The following COL4A1 variants were observed in gnomAD, a reference collection of about 807,000 sequenced individuals.
The protein encoded by COL4A1 is collagen type IV alpha 1 chain, also known as collagen alpha-1(IV) chain.
In COL4A1, 40 loss-of-function variants were observed where a neutral mutation model predicts 216.6. The observed-to-expected ratio is 0.18, with a 90% CI of 0.14 to 0.24. The LOEUF is 0.24. Ranked by LOEUF, COL4A1 falls within the 10% of genes least tolerant of loss-of-function variation. COL4A1 has a pLI of 1.00. For missense variants in COL4A1, 1,628 were observed against 2,196.8 expected (o/e 0.74, Z 5.18); for synonymous variants, 839 against 810.7 (o/e 1.03, Z -0.59).
At chr13:110,265,258 G>T (rs1057081670) in intron 1 of COL4A1, 1 of 152,256 alleles carries the variant, frequency 6.6e-6, no homozygotes, top group African/African-American at 2.4e-5. Flanking sequence ...ACTGCAATAC[G>T]ATTTTGGTTT....
At chr13:110,208,997 G>T in intron 11 of COL4A1, 107 bp from the exon 12 acceptor site, 3 of 1,117,562 alleles carry the variant, frequency 2.7e-6, no homozygotes, top group Admixed American at 3.4e-5. Flanking sequence ...TCAGGCAATA[G>T]CTTTGTCCCA....
At chr13:110,254,175 C>G (rs1399797636) in intron 1 of COL4A1, among the ~76,000 whole-genome samples, 2 of 152,148 alleles carry the variant, frequency 1.3e-5, no homozygotes, top group African/African-American at 4.8e-5. Flanking sequence ...TAGCTCCTAT[C>G]AGAGGATGAC....
At chr13:110,193,613 C>G (rs1878741547) in intron 22 of COL4A1, among the ~76,000 whole-genome samples, 1 of 152,226 alleles carries the variant, frequency 6.6e-6, no homozygotes, top group African/African-American at 2.4e-5. Flanking sequence ...AAGCCCATGC[C>G]AGGGACATCG....
At chr13:110,181,476 C>T in intron 28 of COL4A1, 87 bp from the exon 29 acceptor site, 2 of 1,304,972 alleles carry the variant, frequency 1.5e-6, no homozygotes, top group Non-Finnish European at 2.2e-6. Context: ...TTTAGTCTTG[C>T]CCAGAGATGC....
chr13:110,172,581 T>C (rs1877695328), intron 41 of COL4A1, 139 bp downstream of exon 41: 6 of 823,788 alleles, frequency 7.3e-6, no homozygotes, highest in Middle Eastern at 3.2e-4. Flanking sequence ...CATTGCCCTC[T>C]GGGCTCAGCA....
chr13:110,184,059 G>C (rs1878298065), intron 26 of COL4A1, among the ~76,000 whole-genome samples: 1 of 152,226 alleles, frequency 6.6e-6, no homozygotes, highest in African/African-American at 2.4e-5. Context: ...GGAAATGCCT[G>C]CTGTTGGTGA....
At chr13:110,177,139 C>T in intron 33 of COL4A1, 102 bp from the exon 34 acceptor site, 1 of 1,562,232 alleles carries the variant, frequency 6.4e-7, no homozygotes, top group South Asian at 1.1e-5. Context: ...GGCAAAAAGG[C>T]TACAAAGCAC....
intron 1 of COL4A1, among the ~76,000 whole-genome samples, chr13:110,269,328 A>T (rs1353632074): frequency 6.6e-6 from 1 of 152,182 alleles, no homozygotes; most frequent in Non-Finnish European, 1.5e-5. Context: ...AACCTTTATA[A>T]AATCAGAAGC....
intron 46 of COL4A1, among the ~76,000 whole-genome samples, chr13:110,164,310 A>T (rs2139148525): frequency 6.6e-6 from 1 of 152,314 alleles, no homozygotes; most frequent in South Asian, 2.1e-4. Flanking sequence ...ATTCTTAAGT[A>T]TCATTAAATT....
Position 110,193,954 on chromosome 13 carries a change from G to T in COL4A1, c.1382-1041C>A, listed in dbSNP as rs530394824. Among the ~76,000 whole-genome samples the T allele has an allele frequency of 2.0e-5, 3 of 152,332 alleles. No homozygotes were observed. The South Asian group carries it at 6.2e-4, about 32-fold the overall frequency. ...AGGTGCATTCCCAGCAGACGATGGA[G>T]TCGAAAGAGGAATGGGAAGACTCGA... On this transcript the variant is annotated intron_variant, in intron 22 of 51. Coordinates refer to ENST00000375820, the MANE Select transcript of COL4A1 (RefSeq NM_001845.6).
chr13:110,296,461 A>T (rs1232176836), intron 1 of COL4A1, among the ~76,000 whole-genome samples: 1 of 152,258 alleles, frequency 6.6e-6, no homozygotes, highest in African/African-American at 2.4e-5. Context: ...GAATATCGAT[A>T]GTATAATCAC....
intron 6 of COL4A1, 90 bp downstream of exon 6, chr13:110,212,327 C>T: frequency 6.7e-7 from 1 of 1,489,644 alleles, no homozygotes; most frequent in Middle Eastern, 2.4e-4. Flanking sequence ...GCAAATAAAA[C>T]TCTATTAACA....
chr13:110,219,864 GTGTGTGTATATA>G lies in COL4A1; in HGVS notation c.145-5861_145-5850del, dbSNP rs1880358842. Among the ~76,000 whole-genome samples, 9 of 52,992 alleles carry G rather than the reference GTGTGTGTATATA, an allele frequency of 1.7e-4. 1 individual carries two copies. The highest frequency in any genetic ancestry group is 1.1e-3 in the South Asian group (2 of 1,754). The allele number at this position is 52,992 out of a possible 152,430, so 34.8% of individuals were successfully genotyped here. On this transcript the variant is annotated intron_variant, in intron 2 of 51. Transcript: ENST00000375820. ...TATATGTGTATATATATGTATATAT[GTGTGTGTATATA>G]TGTATATATATGTGTGTATATATAT...
At chr13:110,152,132 G>A (rs1332250743) in intron 51 of COL4A1, among the ~76,000 whole-genome samples, 5 of 151,996 alleles carry the variant, frequency 3.3e-5, no homozygotes, top group South Asian at 4.2e-4. Context: ...ATGGTTCTTC[G>A]GTAAATGAAA....
rs1409864782 is a variant in COL4A1, at chr13:110,253,796, C to T, written c.85-11062G>A. On this transcript the variant is annotated intron_variant, in intron 1 of 51. Transcript: ENST00000375820. ...TGTATTATATATACGTATAATTATA[C>T]GTATATATGTATAATTATACGTATG... Among the ~76,000 whole-genome samples, 2 of 69,810 alleles carry T rather than the reference C, an allele frequency of 2.9e-5. 1 individual carries two copies. The highest frequency in any genetic ancestry group is 8.3e-5 in the African/African-American group (2 of 24,080). The allele number at this position is 69,810 out of a possible 152,430, so 45.8% of individuals were successfully genotyped here.
chr13:110,162,135 C>T, intron 48 of COL4A1, 95 bp downstream of exon 48: 1 of 1,147,760 alleles, frequency 8.7e-7, no homozygotes, highest in Non-Finnish European at 1.3e-6. Context: ...TCGCTACTGC[C>T]CTCACTGCAG....
intron 1 of COL4A1, among the ~76,000 whole-genome samples, chr13:110,290,138 T>C (rs966891536): frequency 1.3e-5 from 2 of 152,250 alleles, no homozygotes; most frequent in Non-Finnish European, 2.9e-5. Context: ...GACATGCTGC[T>C]GTGTAGGTTT....
chr13:110,296,602 C>T (rs542109567), intron 1 of COL4A1, among the ~76,000 whole-genome samples: 7 of 152,338 alleles, frequency 4.6e-5, no homozygotes, highest in South Asian at 2.1e-4. Flanking sequence ...ACATACCAAG[C>T]AAGCAATCAT....
chr13:110,306,081 G>A (rs369227417), intron 1 of COL4A1: 4 of 152,092 alleles, frequency 2.6e-5, no homozygotes, highest in African/African-American at 9.6e-5. Context: ...CGGAGGGGAA[G>A]GAAAAAAGGA....
Sources: gnomAD v4.1 joint callset for allele counts (sites outside exome capture counted in the v4.1 genomes callset) on GRCh38, gnomAD v4.1.1 for gene constraint, MANE v1.5 for transcripts, NCBI Gene and HGNC (gene_info 2026-07-23, HGNC 2026-07-21) for gene names.